The following CTTN variants were observed in gnomAD, a reference collection of about 807,000 sequenced individuals.
The protein encoded by CTTN is src substrate cortactin.
In CTTN, 28 loss-of-function variants were observed where a neutral mutation model predicts 84.0. That is an observed-to-expected ratio of 0.33 (90% CI 0.25 to 0.46). CTTN has a LOEUF of 0.46. Ranked by LOEUF, CTTN falls within the 20% of genes least tolerant of loss-of-function variation. CTTN has a pLI of 1.00. For missense variants in CTTN, 641 were observed against 723.8 expected (o/e 0.89, Z 1.31); for synonymous variants, 301 against 288.8 (o/e 1.04, Z -0.43).
intron 1 of CTTN, among the ~76,000 whole-genome samples, chr11:70,403,932 G>A (rs929902747): frequency 6.6e-6 from 1 of 152,062 alleles, no homozygotes; most frequent in African/African-American, 2.4e-5. Flanking sequence ...CCAGGCTGGG[G>A]TGCAGTGGTG....
rs912893287 is a variant in CTTN, at chr11:70,436,025, G to A, written c.*863G>A. 26 of 1,426,058 alleles carry A rather than the reference G, an allele frequency of 1.8e-5. No homozygotes were observed. In the East Asian group the frequency reaches 2.8e-4, roughly 15 times the overall value. 88.3% of individuals were successfully genotyped at this position (1,426,058 alleles called of 1,614,324 possible). A position where few individuals can be genotyped will look rare whatever the true frequency, so the allele number is the denominator to read the frequency against. ...CCTGGGCCACCGGGCAGCCTGGGGC[G>A]GTGTGTGTGCCATGTCACAGCATGG... On this transcript the variant is annotated 3_prime_UTR_variant, in exon 18 of 18. Coordinates refer to ENST00000301843, the MANE Select transcript of CTTN (RefSeq NM_005231.4).
intron 11 of CTTN, 188 bp from the exon 12 acceptor site, chr11:70,422,752 G>C: frequency 6.9e-7 from 1 of 1,458,326 alleles, no homozygotes; most frequent in Non-Finnish European, 9.1e-7. Context: ...GCTTCTCACT[G>C]CCTGTGTCTC....
At chr11:70,425,123 C>G (rs1239257335) in intron 12 of CTTN, among the ~76,000 whole-genome samples, 1 of 152,140 alleles carries the variant, frequency 6.6e-6, no homozygotes, top group Non-Finnish European at 1.5e-5. Context: ...TATGCTAATG[C>G]TGACCCACGA....
intron 13 of CTTN, among the ~76,000 whole-genome samples, chr11:70,425,653 C>G (rs1044656775): frequency 5.9e-5 from 9 of 152,212 alleles, no homozygotes; most frequent in African/African-American, 2.2e-4. Context: ...CTTCCCAGAG[C>G]AAAGGGGCTA....
intron 14 of CTTN, 50 bp downstream of exon 14, chr11:70,429,249 G>T (rs199756616): frequency 6.5e-5 from 102 of 1,572,826 alleles, no homozygotes; most frequent in Non-Finnish European, 8.6e-5. Context: ...GACCTGTGCC[G>T]AGGGGATTGG....
At chr11:70,400,231 G>A (rs1032586392) in intron 1 of CTTN, among the ~76,000 whole-genome samples, 1 of 152,148 alleles carries the variant, frequency 6.6e-6, no homozygotes, top group Non-Finnish European at 1.5e-5. Context: ...CACTTTGGGA[G>A]GTCAAGGTGA....
chr11:70,411,418 GC>G (rs2058095374), intron 5 of CTTN, among the ~76,000 whole-genome samples: 1 of 151,650 alleles, frequency 6.6e-6, no homozygotes, highest in Admixed American at 6.5e-5. Context: ...CGTGTTCAGT[GC>G]AGCGAGCGAA....
intron 13 of CTTN, among the ~76,000 whole-genome samples, chr11:70,427,423 AC>A (rs1565498320): frequency 6.6e-6 from 1 of 152,236 alleles, no homozygotes; most frequent in Non-Finnish European, 1.5e-5. Context: ...TAGTGAGAAG[AC>A]CGGCATTGTT....
At chr11:70,421,798 G>A (rs1415346417) in intron 11 of CTTN, 1 of 544,380 alleles carries the variant, frequency 1.8e-6, no homozygotes, top group East Asian at 3.1e-5. Flanking sequence ...ATCTGTGTAT[G>A]GCAGGATGCG....
chr11:70,402,313 C>T (rs2057996172), intron 1 of CTTN, among the ~76,000 whole-genome samples: 1 of 152,234 alleles, frequency 6.6e-6, no homozygotes, highest in Admixed American at 6.5e-5. Flanking sequence ...CGTATTGTAA[C>T]AGCTTTATCG....
At chr11:70,416,964 T>C in intron 7 of CTTN, 49 bp from the exon 8 acceptor site, 2 of 1,279,872 alleles carry the variant, frequency 1.6e-6, no homozygotes, top group Non-Finnish European at 2.3e-6. Flanking sequence ...AAAGGAACAG[T>C]GTAGTTCGTC....
At chr11:70,403,969 C>T (rs2058015244) in intron 1 of CTTN, among the ~76,000 whole-genome samples, 1 of 152,140 alleles carries the variant, frequency 6.6e-6, no homozygotes, top group East Asian at 1.9e-4. Flanking sequence ...CAACCTTGAG[C>T]TCCTGGGCTC....
rs201961438 is a variant in CTTN at position 70,433,675 on chromosome 11, C to T, written c.1473C>T (p.Asn491=). The change falls in exon 17 of 18, where the codon AAC becomes AAT. Residue 491 remains asparagine (N), a synonymous_variant. Coordinates refer to ENST00000301843, the MANE Select transcript of CTTN (RefSeq NM_005231.4). ...ACAGCACCTACGATGAGTACGAGAA[C>T]GATCTGGGGATCACAGCCGTCGCCC... ...AEDSTYDEYE[N]DLGITAVALY... 4.9e-5 allele frequency: 79 copies of T among 1,613,712 alleles called. 1 individual carries two copies. Among genetic ancestry groups the T allele is most frequent in the South Asian group, 8.8e-5 (8 of 91,074 alleles).
rs139755045 is a variant in CTTN, at chr11:70,406,345, C to T, written c.1-953C>T. On this transcript the variant is annotated intron_variant, in intron 2 of 17. Transcript: ENST00000301843. ...GGTTTTGTCCAGTCCTGATTCAGGGCGCTAGAGTCCCAACATGGCACCTGA... is the reference window on the plus strand; with the variant it reads ...GGTTTTGTCCAGTCCTGATTCAGGGTGCTAGAGTCCCAACATGGCACCTGA... Among the ~76,000 whole-genome samples the T allele has an allele frequency of 9.9e-4, 150 of 152,198 alleles. 2 individuals are homozygous for T. Among genetic ancestry groups the T allele is most frequent in the African/African-American group, 3.2e-3 (134 of 41,504 alleles).
intron 7 of CTTN, 36 bp downstream of exon 7, chr11:70,415,753 G>A (rs1484277183): frequency 6.2e-7 from 1 of 1,610,952 alleles, no homozygotes; most frequent in African/African-American, 1.3e-5. Flanking sequence ...GCCCGCTCCG[G>A]GGGCCCCGAT....
rs2058009733 is a variant in CTTN, at chr11:70,403,422, A to C, written c.-97-1843A>C. Among the ~76,000 whole-genome samples, 5 of 152,090 alleles carry C rather than the reference A, an allele frequency of 3.3e-5. No individual in the cohort carries two copies. In the South Asian group the frequency reaches 1.0e-3, roughly 32 times the overall value. On this transcript the variant is annotated intron_variant, in intron 1 of 17. Transcript: ENST00000301843. ...CAGGATGGTCTCGATCTCTTGACCT[A>C]GTAATCCGCCCGCCTCGGCCTCCGA...
intron 1 of CTTN, among the ~76,000 whole-genome samples, chr11:70,402,519 C>T (rs1044434264): frequency 6.6e-6 from 1 of 152,188 alleles, no homozygotes; most frequent in Non-Finnish European, 1.5e-5. Context: ...CCTGGGCAAC[C>T]AGCAATGTAT....
intron 15 of CTTN, among the ~76,000 whole-genome samples, chr11:70,432,721 G>A (rs532010108): frequency 1.5e-4 from 23 of 152,352 alleles, no homozygotes; most frequent in Admixed American, 1.4e-3. Flanking sequence ...CTCGGCCCAA[G>A]GGTGCCTTGT....
intron 15 of CTTN, among the ~76,000 whole-genome samples, chr11:70,431,490 C>G (rs2058353682): frequency 6.6e-6 from 1 of 152,058 alleles, no homozygotes. Flanking sequence ...TGTGCAGGCC[C>G]ACATGCCATC....
Sources: allele counts gnomAD v4.1 joint callset (sites outside exome capture counted in the v4.1 genomes callset), GRCh38; gene constraint gnomAD v4.1.1; transcripts MANE v1.5; gene names NCBI Gene and HGNC (gene_info 2026-07-23, HGNC 2026-07-21).